Variants in SLC12A8 observed in about 807,000 individuals in gnomAD.
SLC12A8 encodes the protein solute carrier family 12 member 8, also known as cation-chloride cotransporter 9.
A neutral mutation model predicts 75.6 loss-of-function variants in SLC12A8; 69 were observed. That is an observed-to-expected ratio of 0.91 (90% CI 0.75 to 1.11). The LOEUF is 1.11. Ranked by LOEUF, SLC12A8 falls within the 50% of genes most tolerant of loss-of-function variation. The pLI, the probability that SLC12A8 is intolerant of heterozygous loss-of-function variation, is 0.00. For synonymous variants in SLC12A8, 365 were observed against 372.8 expected (o/e 0.98, Z 0.24); for missense variants, 877 against 896.7 (o/e 0.98, Z 0.28).
chr3:125,163,742 C>G (rs1934225162), intron 5 of SLC12A8, among the ~76,000 whole-genome samples: 1 of 152,216 alleles, frequency 6.6e-6, no homozygotes, highest in Non-Finnish European at 1.5e-5. Flanking sequence ...ACACAACCTT[C>G]CAAGGAATCA....
intron 13 of SLC12A8, among the ~76,000 whole-genome samples, chr3:125,087,889 T>G (rs1481579697): frequency 1.3e-5 from 2 of 152,178 alleles, no homozygotes; most frequent in Admixed American, 1.3e-4. Flanking sequence ...CCCAACCCAG[T>G]CATGTCAACT....
At chr3:125,113,876 G>A (rs1440314491) in intron 8 of SLC12A8, among the ~76,000 whole-genome samples, 1 of 152,042 alleles carries the variant, frequency 6.6e-6, no homozygotes, top group Non-Finnish European at 1.5e-5. Context: ...GTCATTGAGG[G>A]ACTCTGCTCA....
rs758326699 is a variant in SLC12A8, at chr3:125,110,229, TG to T, written c.1018del (p.Gln340ArgfsTer4). ...GAPRILQCIA[Q>X]EKVIPALACL... ...GGCAAGTGCAGGGATCACTTTCTCC[TG>T]GGCAATGCACTGCAGGATGCGGGGA... On this transcript the variant is annotated frameshift_variant, in exon 9 of 14. Transcript: ENST00000469902. LOFTEE classifies it high-confidence loss of function. 7.6e-5 allele frequency: 122 copies of T among 1,613,884 alleles called. No individual in the cohort carries two copies. The highest frequency in any genetic ancestry group is 1.6e-4 in the Middle Eastern group (1 of 6,082).
At chr3:125,108,879 T>G (rs1339337675) in intron 9 of SLC12A8, among the ~76,000 whole-genome samples, 1 of 152,148 alleles carries the variant, frequency 6.6e-6, no homozygotes, top group African/African-American at 2.4e-5. Context: ...TGACACTGAG[T>G]ATCCGCAAAT....
intron 2 of SLC12A8, among the ~76,000 whole-genome samples, chr3:125,193,687 T>C (rs74628012): frequency 0.037 from 5,569 of 152,282 alleles, 159 homozygotes; most frequent in Admixed American, 0.077. Context: ...TGGATTCTCC[T>C]GAGTCTGCAT....
chr3:125,115,304 C>T (rs1375995792), intron 8 of SLC12A8, among the ~76,000 whole-genome samples: 4 of 152,054 alleles, frequency 2.6e-5, no homozygotes, highest in Non-Finnish European at 5.9e-5. Context: ...GGTGGATCAC[C>T]TGAGGTCAGG....
At chr3:125,103,514 G>A (rs1231323186) in intron 10 of SLC12A8, among the ~76,000 whole-genome samples, 1 of 150,594 alleles carries the variant, frequency 6.6e-6, no homozygotes, top group African/African-American at 2.4e-5. Flanking sequence ...ACCAAGGCTG[G>A]AGTACAGTGG....
intron 2 of SLC12A8, among the ~76,000 whole-genome samples, chr3:125,204,135 G>T (rs1935181820): frequency 6.6e-6 from 1 of 152,176 alleles, no homozygotes; most frequent in East Asian, 1.9e-4. Context: ...CACTGTTGGT[G>T]AAAATGTGAA....
chr3:125,198,780 A>ATTT (rs111474323), intron 2 of SLC12A8, among the ~76,000 whole-genome samples: 4 of 141,848 alleles, frequency 2.8e-5, no homozygotes, highest in Admixed American at 1.4e-4. Flanking sequence ...AGACAATAGG[A>ATTT]TTTTTTTTTT....
intron 5 of SLC12A8, among the ~76,000 whole-genome samples, chr3:125,167,128 G>C (rs1934307348): frequency 6.6e-6 from 1 of 152,016 alleles, no homozygotes; most frequent in Non-Finnish European, 1.5e-5. Flanking sequence ...ATACTTGAAA[G>C]CATTCATCAG....
At chr3:125,097,134 C>CA in intron 10 of SLC12A8, among the ~76,000 whole-genome samples, 1 of 152,110 alleles carries the variant, frequency 6.6e-6, no homozygotes, top group Non-Finnish European at 1.5e-5. Context: ...CCTGTAATCC[C>CA]AGCACTTTGC....
In SLC12A8 at chr3:125,083,274, TC is replaced by T. The variant is rs1938373938; in HGVS notation, c.*615del. The stretch of plus-strand genomic sequence containing the variant: ...AATCTGGTTGTGCAGAGTCTTGGTG[TC>T]CCCTGCTAGTCTTAGTACCTGTATA... On this transcript the variant is annotated 3_prime_UTR_variant, in exon 14 of 14. Transcript: ENST00000469902. 3 of 152,226 alleles carry T rather than the reference TC, an allele frequency of 2.0e-5. No homozygotes were observed. Among genetic ancestry groups the T allele is most frequent in the Non-Finnish European group, 4.4e-5 (3 of 68,078 alleles). 9.4% of individuals were successfully genotyped at this position (152,226 alleles called of 1,614,324 possible). A position where few individuals can be genotyped will look rare whatever the true frequency, so the allele number is the denominator to read the frequency against.
At chr3:125,102,920 T>C (rs1331520281) in intron 10 of SLC12A8, among the ~76,000 whole-genome samples, 1 of 152,176 alleles carries the variant, frequency 6.6e-6, no homozygotes, top group Non-Finnish European at 1.5e-5. Context: ...CAGTTCATTC[T>C]GGCAGACCAG....
chr3:125,139,128 T>C lies in SLC12A8; in HGVS notation c.623-3346A>G, dbSNP rs977227178. ...TCAGCTTTTCTATGTATGAAGAGCT[T>C]TTCTTTCTTTCCGTTTGTACTCTGT... On this transcript the variant is annotated intron_variant, in intron 5 of 13. Coordinates refer to ENST00000469902, the MANE Select transcript of SLC12A8 (RefSeq NM_024628.6). 2.0e-5 allele frequency among the ~76,000 whole-genome samples: 3 copies of C among 152,204 alleles called. No homozygotes were observed. The East Asian group carries it at 5.8e-4, about 29-fold the overall frequency.
chr3:125,120,105 C>G (rs1028047377), intron 7 of SLC12A8, among the ~76,000 whole-genome samples: 10 of 152,204 alleles, frequency 6.6e-5, no homozygotes, highest in African/African-American at 2.4e-4. Context: ...GAAGCACATA[C>G]AGTGTCATTA....
chr3:125,143,308 T>C (rs28361505), intron 5 of SLC12A8, among the ~76,000 whole-genome samples: 10,279 of 152,294 alleles, frequency 0.067, 511 homozygotes, highest in Middle Eastern at 0.095. Flanking sequence ...CTGTATTGCG[T>C]TGGACTGTTT....
At chr3:125,102,872 C>G (rs1014134016) in intron 10 of SLC12A8, among the ~76,000 whole-genome samples, 2 of 152,068 alleles carry the variant, frequency 1.3e-5, no homozygotes, top group African/African-American at 2.4e-5. Flanking sequence ...GAGAGTGAAC[C>G]CTAGGGCCCC....
intron 10 of SLC12A8, among the ~76,000 whole-genome samples, chr3:125,099,662 C>T (rs144909062): frequency 0.018 from 2,684 of 152,328 alleles, 56 homozygotes; most frequent in Admixed American, 0.048. Flanking sequence ...GGTACAGTGG[C>T]TCATGCCTGT....
chr3:125,123,659 C>G (rs1199711007), intron 6 of SLC12A8: 1 of 152,102 alleles, frequency 6.6e-6, no homozygotes, highest in Non-Finnish European at 1.5e-5. Flanking sequence ...ACCATCAGAT[C>G]TCGTGAGACT....
Sources: allele counts gnomAD v4.1 joint callset (sites outside exome capture counted in the v4.1 genomes callset), GRCh38; gene constraint gnomAD v4.1.1; transcripts MANE v1.5; gene names NCBI Gene and HGNC (gene_info 2026-07-23, HGNC 2026-07-21).